The following AKAP8 variants were observed in gnomAD, a reference collection of about 807,000 sequenced individuals.
The protein encoded by AKAP8 is A-kinase anchoring protein 8.
Under a neutral mutation model 67.5 loss-of-function variants are expected in AKAP8, and 24 were observed. The observed-to-expected ratio is 0.36, with a 90% confidence interval of 0.26 to 0.50. The LOEUF is 0.50. AKAP8 is among the 20% of genes least tolerant of loss of function. The pLI, the probability that AKAP8 is intolerant of heterozygous loss-of-function variation, is 0.97. For missense variants in AKAP8, 971 were observed against 955.9 expected (o/e 1.02, Z -0.21); for synonymous variants, 400 against 371.1 (o/e 1.08, Z -0.90).
At chr19:15,361,555 T>C in intron 11 of AKAP8, 174 bp downstream of exon 11, 3 of 559,242 alleles carry the variant, frequency 5.4e-6, no homozygotes, top group Middle Eastern at 5.0e-4. Context: ...GGTTTCACCG[T>C]GTCAGACAGG....
At chr19:15,373,391 C>A (rs1340298409) in intron 4 of AKAP8, 51 bp from the exon 5 acceptor site, 2 of 1,548,190 alleles carry the variant, frequency 1.3e-6, no homozygotes, top group African/African-American at 2.7e-5. Context: ...TCACCCACTG[C>A]CACACTCCCT....
At chr19:15,362,483 T>A (rs1378776788) in intron 9 of AKAP8, among the ~76,000 whole-genome samples, 1 of 150,472 alleles carries the variant, frequency 6.6e-6, no homozygotes, top group Non-Finnish European at 1.5e-5. Context: ...TCAGCCTGCC[T>A]ACTGCCTGCG....
At position 15,369,088 on chromosome 19, in the gene AKAP8, T is replaced by C. The variant is rs933830119; in HGVS notation, c.1073-766A>G. 2.0e-6 allele frequency: 2 copies of C among 985,366 alleles called. No homozygotes were observed. Among genetic ancestry groups the C allele is most frequent in the Non-Finnish European group, 2.4e-6 (2 of 830,016 alleles). 61.0% of individuals were successfully genotyped at this position (985,366 alleles called of 1,614,324 possible). On this transcript the variant is annotated intron_variant, in intron 8 of 13. Coordinates refer to ENST00000269701, the MANE Select transcript of AKAP8 (RefSeq NM_005858.4). This position sits in a 1 kb window ranked among gnomAD's most constrained non-coding sequence, Gnocchi z 4.6. Reference sequence around the variant, plus strand: ...CTACCCCTGATGCCAGTCCCGAGACTGTCCCACGAAGATGGCGACCGGCGT... The same window carrying C: ...CTACCCCTGATGCCAGTCCCGAGACCGTCCCACGAAGATGGCGACCGGCGT...
rs762573325 is a variant in AKAP8 at position 15,360,900 on chromosome 19, G to A, written c.1475C>T (p.Pro492Leu). The A allele has an allele frequency of 2.7e-5, 43 of 1,613,562 alleles. No homozygotes were observed. Among genetic ancestry groups the A allele is most frequent in the South Asian group, 2.4e-4 (22 of 90,992 alleles). Residue 492 changes from proline to leucine, a missense_variant, in exon 12 of 14, where the codon CCG (proline) becomes CTG (leucine). Pro to Leu is a moderately conservative substitution (Grantham distance 98). Transcript: ENST00000269701. ...LACDMLIPAQ[P>L]QLLQRHLHSV... is the part of the protein sequence containing the mutation. ...GTGCAGGTGCCGCTGGAGGAGCTGC[G>A]GCTGTGCAGGAATTAGCATGTCGCA...
At chr19:15,357,708 CTTTTTTT>C (rs869102920) in intron 13 of AKAP8, among the ~76,000 whole-genome samples, 27 of 120,998 alleles carry the variant, frequency 2.2e-4, no homozygotes, top group Middle Eastern at 4.7e-3. Flanking sequence ...TTTCCTCCCT[CTTTTTTT>C]TTTTTTTTTT....
intron 1 of AKAP8, chr19:15,379,389 C>G: frequency 2.9e-6 from 1 of 345,734 alleles, no homozygotes; most frequent in Non-Finnish European, 5.2e-6. Flanking sequence ...TCGCTGGGGG[C>G]CGGAAGGACT....
chr19:15,368,299 C>T lies in AKAP8; in HGVS notation c.1096G>A (p.Asp366Asn), dbSNP rs779457121. The T allele has an allele frequency of 6.2e-7, 1 of 1,613,652 alleles. No homozygotes were observed. Among genetic ancestry groups the T allele is most frequent in the Non-Finnish European group, 8.5e-7 (1 of 1,179,932 alleles). ...QRGEKEDEDE[D>N]VKKRREKQRR... Reference sequence around the variant, plus strand: ...TGCTTTTCCCTTCTCTTCTTCACATCCTCGTCCTCGTCCTCCTTCTCTCCT... The same window carrying T: ...TGCTTTTCCCTTCTCTTCTTCACATTCTCGTCCTCGTCCTCCTTCTCTCCT... Residue 366 changes from aspartate (D) to asparagine (N), a missense_variant, in exon 9 of 14, where the codon GAT becomes AAT. Asp to Asn is a conservative substitution (Grantham distance 23). Coordinates refer to ENST00000269701, the MANE Select transcript of AKAP8 (RefSeq NM_005858.4).
In AKAP8 at chr19:15,354,606, A is replaced by ATT. The variant is rs1260668167; in HGVS notation, c.*307_*308dup. The ATT allele has an allele frequency of 2.9e-6, 1 of 347,518 alleles. No homozygotes were observed. Among genetic ancestry groups the ATT allele is most frequent in the Non-Finnish European group, 5.2e-6 (1 of 191,246 alleles). The allele number at this position is 347,518 out of a possible 1,614,324, so 21.5% of individuals were successfully genotyped here. On this transcript the variant is annotated 3_prime_UTR_variant, in exon 14 of 14. Transcript: ENST00000269701. Reference sequence around the variant, plus strand: ...AAGGAAGCATTCCATCAGTGGCTGTATTGAACAAGTAATGTATCATCAAGA... The same window carrying ATT: ...AAGGAAGCATTCCATCAGTGGCTGTATTTTGAACAAGTAATGTATCATCAAGA...
At chr19:15,376,012 C>A (rs1424904165) in intron 2 of AKAP8, among the ~76,000 whole-genome samples, 3 of 151,842 alleles carry the variant, frequency 2.0e-5, no homozygotes. Context: ...CTCACTGCAG[C>A]CTTACCTCCT....
intron 7 of AKAP8, among the ~76,000 whole-genome samples, chr19:15,371,037 A>C (rs981270648): frequency 1.3e-5 from 2 of 152,212 alleles, no homozygotes; most frequent in African/African-American, 4.8e-5. Context: ...CTAAATTAAC[A>C]ATCAGCAGGT....
At chr19:15,368,522 G>C (rs1417791808) in intron 8 of AKAP8, 200 bp from the exon 9 acceptor site, 1 of 985,184 alleles carries the variant, frequency 1.0e-6, no homozygotes, top group African/African-American at 1.7e-5. Context: ...GCCCGGAGTA[G>C]TCACCAAACT....
chr19:15,364,224 C>T (rs1301450077), intron 9 of AKAP8, among the ~76,000 whole-genome samples: 3 of 132,536 alleles, frequency 2.3e-5, no homozygotes, highest in Non-Finnish European at 3.1e-5. Flanking sequence ...TGCAATGGTG[C>T]GATCTCAGCT....
Position 15,369,093 on chromosome 19 carries a change from C to A in AKAP8, c.1073-771G>T. On this transcript the variant is annotated intron_variant, in intron 8 of 13. Coordinates refer to ENST00000269701, the MANE Select transcript of AKAP8 (RefSeq NM_005858.4). The surrounding 1 kb of genome is among the most constrained non-coding windows in gnomAD (Gnocchi z 4.6). ...CCTGATGCCAGTCCCGAGACTGTCC[C>A]ACGAAGATGGCGACCGGCGTGCGCT... 1 of 985,466 alleles carries A rather than the reference C, an allele frequency of 1.0e-6. No homozygotes were observed. The allele number at this position is 985,466 out of a possible 1,614,324, so 61.0% of individuals were successfully genotyped here.
At position 15,353,711 on chromosome 19, in the gene AKAP8, G is replaced by A. The variant is rs1394626297; in HGVS notation, c.*1204C>T. On this transcript the variant is annotated 3_prime_UTR_variant, in exon 14 of 14. Coordinates refer to ENST00000269701, the MANE Select transcript of AKAP8 (RefSeq NM_005858.4). ...CAGCCTCCTTTCTAATGATTTCCCA[G>A]TGGCCAGCGTTTCCCAACATGTGAG... 1.3e-5 allele frequency: 2 copies of A among 152,028 alleles called. No homozygotes were observed. Among genetic ancestry groups the A allele is most frequent in the African/African-American group, 2.4e-5 (1 of 41,368 alleles). The allele number at this position is 152,028 out of a possible 1,614,324, so 9.4% of individuals were successfully genotyped here.
rs745567000 is a variant in AKAP8, at chr19:15,355,230, G to T, written c.1764C>A (p.Ala588=). ...GAGCGGGCGCTCCTTCCCCATCTAC[G>T]GCCCTCACTGCTGCTGTAATCACCT... ...LAEVITAAVR[A]VDGEGAPAPE... is the part of the protein sequence containing the mutation. Residue 588 remains alanine (A), a synonymous_variant, in exon 14 of 14, where the codon GCC becomes GCA. Coordinates refer to ENST00000269701, the MANE Select transcript of AKAP8 (RefSeq NM_005858.4). The T allele has an allele frequency of 1.2e-6, 2 of 1,611,406 alleles. No individual in the cohort carries two copies. The highest frequency in any genetic ancestry group is 1.7e-5 in the Admixed American group (1 of 60,008).
At chr19:15,372,749 T>C in intron 5 of AKAP8, 102 bp downstream of exon 5, 1 of 1,396,556 alleles carries the variant, frequency 7.2e-7, no homozygotes, top group Admixed American at 3.0e-5. Flanking sequence ...AACTGCGCAC[T>C]TAAAAACATT....
At chr19:15,379,646 G>A in intron 1 of AKAP8, 67 bp downstream of exon 1, 1 of 1,551,962 alleles carries the variant, frequency 6.4e-7, no homozygotes, top group Non-Finnish European at 8.7e-7. Context: ...GCGGCAGTCT[G>A]CGCAGCGGCT....
chr19:15,379,589 C>T (rs967015395), intron 1 of AKAP8, 124 bp downstream of exon 1: 2 of 1,157,460 alleles, frequency 1.7e-6, no homozygotes, highest in African/African-American at 1.6e-5. Context: ...GCCGCCTCTC[C>T]GGAGGGCCCA....
At chr19:15,368,571 A>G in intron 8 of AKAP8, 4 of 985,242 alleles carry the variant, frequency 4.1e-6, no homozygotes, top group Non-Finnish European at 4.8e-6. Flanking sequence ...GGCTAGGGAC[A>G]CAGCCTGCCC....
Sources: gnomAD v4.1 joint callset for allele counts (sites outside exome capture counted in the v4.1 genomes callset) on GRCh38, gnomAD v4.1.1 for gene constraint, Gnocchi (gnomAD v3.1) non-coding constraint, MANE v1.5 for transcripts, NCBI Gene and HGNC (gene_info 2026-07-23, HGNC 2026-07-21) for gene names.